The following CAPN14 variants were observed in gnomAD, a reference collection of about 807,000 sequenced individuals.
The protein encoded by CAPN14 is calpain 14, also known as calpain-14.
CAPN14 carries 94 observed loss-of-function variants against 101.3 expected under a neutral mutation model. The ratio of observed to expected loss-of-function variants is 0.93; its 90% CI spans 0.79 to 1.10. The LOEUF (loss-of-function observed/expected upper bound fraction) is 1.10, where lower values mean the gene tolerates loss of function less well. Ranked by LOEUF, CAPN14 falls within the 50% of genes least tolerant of loss-of-function variation. The pLI, the probability that CAPN14 is intolerant of heterozygous loss-of-function variation, is 0.00. For missense variants in CAPN14, 837 were observed against 828.4 expected (o/e 1.01, Z -0.13); for synonymous variants, 338 against 317.9 (o/e 1.06, Z -0.67).
chr2:31,229,685 A>G (rs1318267088), intron 1 of CAPN14, among the ~76,000 whole-genome samples: 1 of 150,544 alleles, frequency 6.6e-6, no homozygotes, highest in Non-Finnish European at 1.5e-5. Flanking sequence ...TGTCCAAAAA[A>G]AAAAAAAAAA....
chr2:31,176,284 G>C (rs528460863), intron 21 of CAPN14, among the ~76,000 whole-genome samples: 1 of 152,192 alleles, frequency 6.6e-6, no homozygotes, highest in Non-Finnish European at 1.5e-5. Context: ...CATGTGACTC[G>C]GAAGCTAAAT....
intron 1 of CAPN14, among the ~76,000 whole-genome samples, chr2:31,231,762 C>G (rs1439455167): frequency 6.6e-6 from 1 of 152,176 alleles, no homozygotes; most frequent in African/African-American, 2.4e-5. Flanking sequence ...ACTGACCTCT[C>G]TCCGGGGACA....
intron 16 of CAPN14, among the ~76,000 whole-genome samples, chr2:31,185,664 T>C (rs867070799): frequency 3.3e-5 from 5 of 152,216 alleles, no homozygotes; most frequent in South Asian, 2.1e-4. Flanking sequence ...ATAACTGAAT[T>C]TGGCTTTGAG....
chr2:31,178,475 A>G (rs1429667387), intron 18 of CAPN14, 36 bp downstream of exon 18: 6 of 1,493,288 alleles, frequency 4.0e-6, no homozygotes, highest in South Asian at 3.6e-5. Flanking sequence ...TTCCTACACC[A>G]TCTTCCAAAG....
At chr2:31,185,612 G>A (rs913989799) in intron 16 of CAPN14, among the ~76,000 whole-genome samples, 1 of 152,156 alleles carries the variant, frequency 6.6e-6, no homozygotes, top group Non-Finnish European at 1.5e-5. Context: ...GGAGTCTTAC[G>A]TTCTACAATT....
Position 31,200,450 on chromosome 2 carries a change from C to T in CAPN14, c.726+1G>A. ...TTCTGCCAGTGGCAGCCCAGTCTCACCCCTGAGTGGGTCTGGCAGCCAATG... is the reference window on the plus strand; with the variant it reads ...TTCTGCCAGTGGCAGCCCAGTCTCATCCCTGAGTGGGTCTGGCAGCCAATG... On this transcript the variant is annotated splice_donor_variant, in intron 6 of 21. Coordinates refer to ENST00000403897, the MANE Select transcript of CAPN14 (RefSeq NM_001145122.2). LOFTEE classifies it high-confidence loss of function. 1 of 1,548,142 alleles carries T rather than the reference C, an allele frequency of 6.5e-7. No individual in the cohort carries two copies. Among genetic ancestry groups the T allele is most frequent in the East Asian group, 2.4e-5 (1 of 40,904 alleles).
chr2:31,180,922 A>C lies in CAPN14; in HGVS notation c.1710+14T>G. On this transcript the variant is annotated intron_variant, in intron 17 of 21. Transcript: ENST00000403897. ...ACCAACAGCAAGCATCCACCCACAA[A>C]CCTGAAAGGATACGTCCAGTAAGGC... 1.3e-6 allele frequency: 2 copies of C among 1,550,928 alleles called. No individual in the cohort carries two copies. The highest frequency in any genetic ancestry group is 1.2e-5 in the South Asian group (1 of 84,028).
At chr2:31,176,916 G>T in intron 20 of CAPN14, 110 bp downstream of exon 20, 1 of 816,174 alleles carries the variant, frequency 1.2e-6, no homozygotes, top group Non-Finnish European at 2.0e-6. Context: ...TCCCTGGTCT[G>T]CTGTTTCTGG....
rs1681005761 is a variant in CAPN14 at position 31,188,344 on chromosome 2, T to G, written c.1504A>C (p.Ser502Arg). 3.9e-6 allele frequency: 6 copies of G among 1,551,522 alleles called. No individual in the cohort carries two copies. Among genetic ancestry groups the G allele is most frequent in the Non-Finnish European group, 5.2e-6 (6 of 1,146,968 alleles). ...SRKHIFYEIG[S>R]NSGVVFSKEI... ...TTTGAGAAGACGACACCAGAATTGC[T>G]GCCAATTTCACTGAGAACAAACAAA... The change falls in exon 14 of 22, where the codon AGC becomes CGC. Residue 502 changes from serine (S) to arginine (R), a missense_variant. Physicochemically the swap from Ser to Arg is moderately radical, Grantham distance 110. Transcript: ENST00000403897.
upstream of CAPN14, among the ~76,000 whole-genome samples, chr2:31,221,318 A>G (rs1014434092): frequency 1.3e-5 from 2 of 152,238 alleles, no homozygotes; most frequent in East Asian, 3.9e-4. Context: ...GCTTGGGGAC[A>G]GGGCTGTGAG....
chr2:31,178,643 T>C (rs1217152743), intron 17 of CAPN14, 64 bp from the exon 18 acceptor site: 6 of 1,092,318 alleles, frequency 5.5e-6, no homozygotes, highest in Non-Finnish European at 7.7e-6. Context: ...GAGGCAGTGA[T>C]CAGCCCTCCA....
intron 1 of CAPN14, among the ~76,000 whole-genome samples, chr2:31,217,118 C>A (rs541164191): frequency 1.3e-5 from 2 of 152,250 alleles, no homozygotes; most frequent in Admixed American, 1.3e-4. Context: ...CACCTAGCAG[C>A]ATCAGTAACT....
At chr2:31,214,374 G>A (rs4952067) in intron 1 of CAPN14, among the ~76,000 whole-genome samples, 86,767 of 152,080 alleles carry the variant, frequency 0.57, 25,802 homozygotes, top group East Asian at 0.94. Flanking sequence ...TAGGTTGAGG[G>A]AGCCTCTTTA....
chr2:31,202,135 C>T lies in CAPN14; in HGVS notation c.413G>A (p.Trp138Ter), dbSNP rs759570271. The T allele has an allele frequency of 6.4e-7, 1 of 1,551,806 alleles. No homozygotes were observed. Among genetic ancestry groups the T allele is most frequent in the South Asian group, 1.2e-5 (1 of 84,050 alleles). Reference sequence around the variant, plus strand: ...CTGAGGACCCGGGAAGACACTCACCCAGAACCGGAAGATGCCAGCATACTT... The same window carrying T: ...CTGAGGACCCGGGAAGACACTCACCTAGAACCGGAAGATGCCAGCATACTT... ...TEKYAGIFRFWFWHYGNWVPV... is the reference protein window; with the variant it reads ...TEKYAGIFRF Residue 138 changes from tryptophan to a stop codon, truncating the protein, a stop_gained and splice_region_variant, in exon 4 of 22, where the codon TGG becomes TAG. Coordinates refer to ENST00000403897, the MANE Select transcript of CAPN14 (RefSeq NM_001145122.2). LOFTEE classifies it high-confidence loss of function.
intron 1 of CAPN14, among the ~76,000 whole-genome samples, chr2:31,209,591 C>G (rs546531466): frequency 2.5e-4 from 38 of 152,258 alleles, no homozygotes; most frequent in Admixed American, 1.4e-3. Context: ...TCCTGATAAC[C>G]CTCTGCCTAT....
At chr2:31,175,598 T>C (rs1291679290) in intron 21 of CAPN14, among the ~76,000 whole-genome samples, 1 of 152,180 alleles carries the variant, frequency 6.6e-6, no homozygotes, top group Admixed American at 6.5e-5. Context: ...AGTACTCAAG[T>C]GTGGGGCTAA....
At chr2:31,232,591 C>T (rs907418913) in intron 1 of CAPN14, among the ~76,000 whole-genome samples, 4 of 152,104 alleles carry the variant, frequency 2.6e-5, no homozygotes, top group Non-Finnish European at 4.4e-5. Context: ...CTTCATAAGG[C>T]GGCAGGAGAG....
At chr2:31,212,278 C>T (rs1484352837) in intron 1 of CAPN14, among the ~76,000 whole-genome samples, 1 of 149,194 alleles carries the variant, frequency 6.7e-6, no homozygotes, top group Non-Finnish European at 1.5e-5. Flanking sequence ...CCACTGCACT[C>T]CAGCCTGGGT....
At chr2:31,177,995 G>A (rs78985169) in intron 18 of CAPN14, among the ~76,000 whole-genome samples, 174 bp from the exon 19 acceptor site, 4,142 of 152,250 alleles carry the variant, frequency 0.027, 79 homozygotes, top group South Asian at 0.044. Context: ...GGATCCTACC[G>A]CCTCATGTTT....
Sources: gnomAD v4.1 joint callset for allele counts (sites outside exome capture counted in the v4.1 genomes callset) on GRCh38, gnomAD v4.1.1 for gene constraint, MANE v1.5 for transcripts, NCBI Gene and HGNC (gene_info 2026-07-23, HGNC 2026-07-21) for gene names.